The following BABAM2 variants were observed in gnomAD, a reference collection of about 807,000 sequenced individuals.
The protein encoded by BABAM2 is BRISC and BRCA1 A complex member 2.
In BABAM2, 31 loss-of-function variants were observed where a neutral mutation model predicts 54.7. The ratio of observed to expected loss-of-function variants is 0.57; its 90% CI spans 0.43 to 0.77. The LOEUF is 0.77. BABAM2 is among the 30% of genes least tolerant of loss of function. The pLI, the probability that BABAM2 is intolerant of heterozygous loss-of-function variation, is 0.00. For missense variants in BABAM2, 364 were observed against 455.8 expected (o/e 0.80, Z 1.83); for synonymous variants, 167 against 162.9 (o/e 1.03, Z -0.19).
At chr2:28,233,122 A>G (rs1292015934) in intron 7 of BABAM2, 2 of 455,806 alleles carry the variant, frequency 4.4e-6, no homozygotes, top group Non-Finnish European at 9.1e-6. Flanking sequence ...GAACAGCCCT[A>G]TCACCCTTTT....
chr2:27,907,644 C>T (rs1236200396), intron 2 of BABAM2, among the ~76,000 whole-genome samples: 1 of 152,106 alleles, frequency 6.6e-6, no homozygotes, highest in Non-Finnish European at 1.5e-5. Flanking sequence ...TTTCATCTTG[C>T]AAGCTGAAAC....
chr2:28,183,750 C>CACAT (rs1334835796), intron 7 of BABAM2, among the ~76,000 whole-genome samples: 3 of 151,728 alleles, frequency 2.0e-5, no homozygotes, highest in Admixed American at 6.6e-5. Context: ...CACACACACA[C>CACAT]ACACACACAC....
chr2:28,092,749 CCTCTCTCTCTCTCT>C (rs70953901), intron 6 of BABAM2, among the ~76,000 whole-genome samples: 1 of 146,820 alleles, frequency 6.8e-6, no homozygotes, highest in African/African-American at 2.5e-5. Flanking sequence ...TTCGTCTCTG[CCTCTCTCTCTCTCT>C]CTCTCTCTCA....
intron 7 of BABAM2, among the ~76,000 whole-genome samples, chr2:28,159,711 C>T (rs1391511791): frequency 2.0e-5 from 3 of 152,064 alleles, no homozygotes; most frequent in Admixed American, 6.6e-5. Flanking sequence ...AAAACCCCAT[C>T]TCTACTAAAA....
intron 10 of BABAM2, among the ~76,000 whole-genome samples, chr2:28,254,382 C>G (rs1683772084): frequency 6.6e-6 from 1 of 152,138 alleles, no homozygotes; most frequent in African/African-American, 2.4e-5. Context: ...GGTGATCCTC[C>G]CGCCTCGATC....
At chr2:28,015,437 G>A (rs1674728821) in intron 4 of BABAM2, among the ~76,000 whole-genome samples, 2 of 151,924 alleles carry the variant, frequency 1.3e-5, no homozygotes, top group African/African-American at 4.8e-5. Context: ...AATTTCTGTT[G>A]GTTTATCTTT....
At chr2:28,266,937 G>C (rs111719640) in intron 10 of BABAM2, among the ~76,000 whole-genome samples, 17,575 of 152,184 alleles carry the variant, frequency 0.12, 1,449 homozygotes, top group African/African-American at 0.23. Flanking sequence ...GTGTGGATCA[G>C]CTGAGATCAG....
chr2:28,017,951 A>T (rs1674964343), intron 4 of BABAM2, among the ~76,000 whole-genome samples: 1 of 152,218 alleles, frequency 6.6e-6, no homozygotes, highest in Admixed American at 6.5e-5. Flanking sequence ...GCTATTAGGA[A>T]TATGCTACTA....
At chr2:28,160,571 G>A (rs191861682) in intron 7 of BABAM2, among the ~76,000 whole-genome samples, 2 of 151,472 alleles carry the variant, frequency 1.3e-5, no homozygotes, top group Non-Finnish European at 2.9e-5. Context: ...GGCTTTTTTT[G>A]TATTATCTCT....
At chr2:28,017,745 G>A (rs1674950276) in intron 4 of BABAM2, among the ~76,000 whole-genome samples, 1 of 152,172 alleles carries the variant, frequency 6.6e-6, no homozygotes, top group Non-Finnish European at 1.5e-5. Flanking sequence ...GGCTTTTGTA[G>A]ACATTTTGTA....
chr2:27,975,941 A>G (rs573055769), intron 3 of BABAM2, among the ~76,000 whole-genome samples: 2 of 152,258 alleles, frequency 1.3e-5, no homozygotes, highest in African/African-American at 4.8e-5. Context: ...TAAACACATG[A>G]AAAGATGCTC....
intron 11 of BABAM2, among the ~76,000 whole-genome samples, chr2:28,328,732 C>G (rs995856646): frequency 3.3e-5 from 5 of 152,144 alleles, no homozygotes; most frequent in African/African-American, 1.2e-4. Context: ...TGGCAGGTAT[C>G]TTAACTAAAC....
At chr2:27,908,457 G>A (rs563918209) in intron 2 of BABAM2, among the ~76,000 whole-genome samples, 4 of 151,852 alleles carry the variant, frequency 2.6e-5, no homozygotes, top group East Asian at 3.9e-4. Context: ...ATTTTTTTTC[G>A]AAATGGGGTT....
At chr2:27,971,249 C>T (rs969800111) in intron 3 of BABAM2, among the ~76,000 whole-genome samples, 7 of 152,040 alleles carry the variant, frequency 4.6e-5, no homozygotes, top group Non-Finnish European at 1.0e-4. Flanking sequence ...AACTCTTTTT[C>T]TGTCAGTGAT....
At chr2:28,052,603 G>A (rs1323822609) in intron 6 of BABAM2, among the ~76,000 whole-genome samples, 3 of 152,042 alleles carry the variant, frequency 2.0e-5, no homozygotes, top group Non-Finnish European at 2.9e-5. Context: ...CATAGAGAAG[G>A]TTTCTTAAGA....
At chr2:28,121,868 T>C (rs185393799) in intron 6 of BABAM2, among the ~76,000 whole-genome samples, 1 of 152,312 alleles carries the variant, frequency 6.6e-6, no homozygotes, top group Admixed American at 6.5e-5. Context: ...AACCTCACTT[T>C]GTATATTTTA....
intron 3 of BABAM2, among the ~76,000 whole-genome samples, chr2:27,986,467 T>C (rs1472703607): frequency 3.3e-5 from 5 of 152,112 alleles, no homozygotes; most frequent in Non-Finnish European, 5.9e-5. Flanking sequence ...GAAGGGGCTG[T>C]TAACAGTAGG....
At position 28,327,508 on chromosome 2, in the gene BABAM2, T is replaced by C. The variant is rs148047261; in HGVS notation, c.1089-10942T>C. 1.6e-5 allele frequency: 23 copies of C among 1,471,758 alleles called. No homozygotes were observed. The East Asian group carries it at 5.5e-4, about 35-fold the overall frequency. The allele number at this position is 1,471,758 out of a possible 1,614,324, so 91.2% of individuals were successfully genotyped here. On this transcript the variant is annotated intron_variant, in intron 11 of 11. Transcript: ENST00000379624. ...ACCAGAATTCATCCCAATACTTTGA[T>C]GTCTAGAAATGGATCTCAGTCAGTT... is the stretch of plus-strand genomic sequence containing the variant.
At chr2:28,219,927 C>T (rs1016839685) in intron 7 of BABAM2, among the ~76,000 whole-genome samples, 2 of 152,036 alleles carry the variant, frequency 1.3e-5, no homozygotes, top group Admixed American at 1.3e-4. Flanking sequence ...AAAATCAGGG[C>T]CGGTGAGAAA....
Sources: allele counts gnomAD v4.1 joint callset (sites outside exome capture counted in the v4.1 genomes callset), GRCh38; gene constraint gnomAD v4.1.1; transcripts MANE v1.5; gene names NCBI Gene and HGNC (gene_info 2026-07-23, HGNC 2026-07-21).